Variants in TIAM1 observed in about 807,000 individuals in gnomAD.
TIAM1 encodes the protein rho guanine nucleotide exchange factor TIAM1.
TIAM1 carries 65 observed loss-of-function variants against 163.5 expected under a neutral mutation model. That is an observed-to-expected ratio of 0.40 (90% CI 0.33 to 0.49). The LOEUF is 0.49. Among genes scored for constraint, TIAM1 ranks in the 20% least tolerant of loss-of-function variants. TIAM1 has a pLI of 0.77. For synonymous variants in TIAM1, 833 were observed against 810.1 expected (o/e 1.03, Z -0.48); for missense variants, 1,789 against 2,044.7 (o/e 0.87, Z 2.41).
At chr21:31,291,036 G>A (rs983187723) in intron 2 of TIAM1, among the ~76,000 whole-genome samples, 5 of 151,970 alleles carry the variant, frequency 3.3e-5, no homozygotes, top group Admixed American at 1.3e-4. Context: ...TAATAAAACC[G>A]CACCATATGT....
At chr21:31,219,734 A>G (rs1433627405) in intron 8 of TIAM1, among the ~76,000 whole-genome samples, 1 of 143,528 alleles carries the variant, frequency 7.0e-6, no homozygotes, top group Admixed American at 6.7e-5. Context: ...AGCACGTTAA[A>G]AAAACAAAAC....
chr21:31,415,226 G>T (rs541064657), intron 2 of TIAM1, among the ~76,000 whole-genome samples: 1 of 152,272 alleles, frequency 6.6e-6, no homozygotes, highest in African/African-American at 2.4e-5. Flanking sequence ...TTAGCACAAG[G>T]TCAGGAATCC....
rs1171566931 is a variant in TIAM1 at position 31,141,856 on chromosome 21, GA to G, written c.3476-353del. On this transcript the variant is annotated intron_variant, in intron 20 of 27. Coordinates refer to ENST00000541036, the MANE Select transcript of TIAM1 (RefSeq NM_001353694.2). This position sits in a 1 kb window ranked among gnomAD's most constrained non-coding sequence, Gnocchi z 4.7. ...CCTGGGGCCTTACTGTCCATGGGGA[GA>G]CTGCCCCGCCCACGCTGGCCAGTTC... is the stretch of plus-strand genomic sequence containing the variant. Among the ~76,000 whole-genome samples the G allele has an allele frequency of 6.6e-6, 1 of 152,078 alleles. No homozygotes were observed. The highest frequency in any genetic ancestry group is 1.5e-5 in the Non-Finnish European group (1 of 68,002).
At chr21:31,204,632 G>A (rs1326670848) in intron 11 of TIAM1, among the ~76,000 whole-genome samples, 1 of 152,206 alleles carries the variant, frequency 6.6e-6, no homozygotes, top group Non-Finnish European at 1.5e-5. Context: ...GTGCAGTAGT[G>A]AGAATACAGA....
At chr21:31,233,366 A>G (rs955710814) in intron 6 of TIAM1, among the ~76,000 whole-genome samples, 1 of 152,164 alleles carries the variant, frequency 6.6e-6, no homozygotes, top group African/African-American at 2.4e-5. Flanking sequence ...TACTCATCAT[A>G]TTTTGTTTAC....
chr21:31,189,278 C>T (rs906572051), intron 13 of TIAM1, among the ~76,000 whole-genome samples: 4 of 151,970 alleles, frequency 2.6e-5, no homozygotes, highest in Non-Finnish European at 5.9e-5. Flanking sequence ...TGGTCTCAAA[C>T]TCCTGACTTC....
intron 1 of TIAM1, among the ~76,000 whole-genome samples, chr21:31,473,561 T>C (rs2045832411): frequency 6.6e-6 from 1 of 151,122 alleles, no homozygotes; most frequent in South Asian, 2.1e-4. Context: ...TTCAGGTCAC[T>C]ATGTTGGCTT....
chr21:31,402,217 AAAC>A (rs945668709), intron 2 of TIAM1, among the ~76,000 whole-genome samples: 83 of 152,114 alleles, frequency 5.5e-4, no homozygotes, highest in African/African-American at 1.3e-3. Context: ...GTCTCAAAAA[AAAC>A]AACAACAACA....
intron 6 of TIAM1, 75 bp downstream of exon 6, chr21:31,245,413 T>G (rs1601686923): frequency 2.6e-5 from 19 of 736,068 alleles, no homozygotes; most frequent in Non-Finnish European, 3.4e-5. Context: ...GGAGGGAGAC[T>G]GGGTGCCTAG....
chr21:31,182,814 A>G (rs2085098901), intron 14 of TIAM1, among the ~76,000 whole-genome samples, 169 bp from the exon 15 acceptor site: 1 of 152,246 alleles, frequency 6.6e-6, no homozygotes, highest in African/African-American at 2.4e-5. Flanking sequence ...CAGGGGCCTC[A>G]GGTTCTGAAG....
rs545242161 is a variant in TIAM1, at chr21:31,154,804, C to T, written c.2992-378G>A. Among the ~76,000 whole-genome samples, 10 of 152,262 alleles carry T rather than the reference C, an allele frequency of 6.6e-5. No homozygotes were observed. In the South Asian group the frequency reaches 1.9e-3, roughly 28 times the overall value. ...TCAAAGCCTATGGATCTTAACCACT[C>T]CCCAAGCAAGAAGTCGATAAATCAG... On this transcript the variant is annotated intron_variant, in intron 16 of 27. Coordinates refer to ENST00000541036, the MANE Select transcript of TIAM1 (RefSeq NM_001353694.2).
intron 2 of TIAM1, among the ~76,000 whole-genome samples, chr21:31,295,465 A>G (rs865862411): frequency 1.3e-4 from 14 of 111,376 alleles, no homozygotes; most frequent in South Asian, 3.8e-4. Flanking sequence ...GTGAGACTCC[A>G]TCACAAAAAA....
rs144396635 is a variant in TIAM1 at position 31,274,201 on chromosome 21, C to T, written c.-12+2531G>A. 1.8e-3 allele frequency among the ~76,000 whole-genome samples: 279 copies of T among 151,344 alleles called. 1 individual carries two copies. Among genetic ancestry groups the T allele is most frequent in the African/African-American group, 4.9e-3 (200 of 40,868 alleles). On this transcript the variant is annotated intron_variant, in intron 3 of 27. Coordinates refer to ENST00000541036, the MANE Select transcript of TIAM1 (RefSeq NM_001353694.2). Reference sequence around the variant, plus strand: ...CTGCACTCCAGCCTGGGAAATAGTGCGAGACTCCTTCTCAAAAAAAAAAGT... The same window carrying T: ...CTGCACTCCAGCCTGGGAAATAGTGTGAGACTCCTTCTCAAAAAAAAAAGT...
intron 4 of TIAM1, among the ~76,000 whole-genome samples, chr21:31,265,291 T>G (rs1413809644): frequency 6.7e-6 from 1 of 149,164 alleles, no homozygotes; most frequent in Non-Finnish European, 1.5e-5. Context: ...CACGGTTTCG[T>G]GCACTAGACC....
intron 20 of TIAM1, among the ~76,000 whole-genome samples, chr21:31,142,630 CAAAAAAAAAAAAAAAAGA>C (rs2082903811): frequency 9.9e-6 from 1 of 101,486 alleles, no homozygotes; most frequent in Admixed American, 1.0e-4. Context: ...GACTCCGTCT[CAAAAAAAAAAAAAAAAGA>C]AAGAAAAAAA....
At chr21:31,441,271 T>C (rs2044408311) in intron 2 of TIAM1, among the ~76,000 whole-genome samples, 1 of 152,236 alleles carries the variant, frequency 6.6e-6, no homozygotes, top group African/African-American at 2.4e-5. Flanking sequence ...AAACAGCATT[T>C]ACCAAGGTGT....
At chr21:31,278,627 G>A (rs1265704754) in intron 2 of TIAM1, among the ~76,000 whole-genome samples, 1 of 152,172 alleles carries the variant, frequency 6.6e-6, no homozygotes, top group Non-Finnish European at 1.5e-5. Flanking sequence ...AAATATATAC[G>A]TCTATCCAGA....
In TIAM1 at chr21:31,187,033, CTA is replaced by C; in HGVS notation, c.2628_2629del (p.Asn876LysfsTer18). The C allele has an allele frequency of 6.2e-7, 1 of 1,614,166 alleles. No homozygotes were observed. The highest frequency in any genetic ancestry group is 8.5e-7 in the Non-Finnish European group (1 of 1,180,014). Reference sequence around the variant, plus strand: ...GGAAGCTAAACCGGTTTCCTTCACACTATTCACGTACAGCCTTCGAATACCAT... The same window carrying C: ...GGAAGCTAAACCGGTTTCCTTCACACTTCACGTACAGCCTTCGAATACCAT... On this transcript the variant is annotated frameshift_variant, in exon 14 of 28. Coordinates refer to ENST00000541036, the MANE Select transcript of TIAM1 (RefSeq NM_001353694.2). LOFTEE classifies it high-confidence loss of function.
chr21:31,425,307 G>A (rs1339020395), intron 2 of TIAM1, among the ~76,000 whole-genome samples: 4 of 152,022 alleles, frequency 2.6e-5, no homozygotes, highest in Non-Finnish European at 5.9e-5. Flanking sequence ...GGAATTTCGA[G>A]AATTTTAACA....
Sources: allele counts gnomAD v4.1 joint callset (sites outside exome capture counted in the v4.1 genomes callset), GRCh38; gene constraint gnomAD v4.1.1; non-coding constraint Gnocchi (gnomAD v3.1); transcripts MANE v1.5; gene names NCBI Gene and HGNC (gene_info 2026-07-23, HGNC 2026-07-21).